The following RARB variants were observed in gnomAD, a reference collection of about 807,000 sequenced individuals.
RARB encodes HBV-activated protein.
Under a neutral mutation model 51.9 loss-of-function variants are expected in RARB, and 17 were observed. The ratio of observed to expected loss-of-function variants is 0.33; its 90% CI spans 0.22 to 0.49. The LOEUF (loss-of-function observed/expected upper bound fraction) is 0.49, where lower values mean the gene tolerates loss of function less well. Ranked by LOEUF, RARB falls within the 20% of genes least tolerant of loss-of-function variation. The probability of loss-of-function intolerance (pLI) is 0.99; values close to 1 mark genes in which losing one functional copy is unlikely to be tolerated. For synonymous variants in RARB, 215 were observed against 195.4 expected, an observed-to-expected ratio of 1.10 and a Z score of -0.84; for missense variants, 369 against 550.8, an observed-to-expected ratio of 0.67 and a Z score of 3.30.
intron 3 of RARB, among the ~76,000 whole-genome samples, chr3:25,107,066 A>G (rs1297412941): frequency 6.6e-6 from 1 of 152,022 alleles, no homozygotes; most frequent in Non-Finnish European, 1.5e-5. Flanking sequence ...ATACCCAGCT[A>G]ATTTTTGTAT....
chr3:25,030,684 C>A (rs944165486), intron 2 of RARB, among the ~76,000 whole-genome samples: 1 of 152,120 alleles, frequency 6.6e-6, no homozygotes, highest in African/African-American at 2.4e-5. Context: ...TTGAGGAAAT[C>A]TTGCATCTTC....
At chr3:25,067,254 A>T (rs189116150) in intron 3 of RARB, among the ~76,000 whole-genome samples, 2 of 152,188 alleles carry the variant, frequency 1.3e-5, no homozygotes, top group Non-Finnish European at 2.9e-5. Context: ...AGTATGAAAA[A>T]CGAAAGTGAG....
At chr3:25,060,394 T>C (rs914325351) in intron 3 of RARB, among the ~76,000 whole-genome samples, 2 of 151,844 alleles carry the variant, frequency 1.3e-5, no homozygotes, top group African/African-American at 4.8e-5. Context: ...AGATAGAATG[T>C]CTTATTTTCT....
intron 3 of RARB, among the ~76,000 whole-genome samples, chr3:25,547,897 G>A (rs1403005343): frequency 2.0e-5 from 3 of 152,092 alleles, no homozygotes; most frequent in Non-Finnish European, 4.4e-5. Context: ...AGTCATTGTA[G>A]TCTTTTTTCT....
chr3:25,108,828 T>C (rs1295279327), intron 3 of RARB, among the ~76,000 whole-genome samples: 3 of 152,206 alleles, frequency 2.0e-5, no homozygotes, highest in African/African-American at 7.2e-5. Context: ...TCAACTTTCC[T>C]AAAACTATCA....
At chr3:24,957,299 C>A (rs1012359867) in intron 2 of RARB, among the ~76,000 whole-genome samples, 2 of 152,194 alleles carry the variant, frequency 1.3e-5, no homozygotes, top group African/African-American at 4.8e-5. Context: ...GAATGACCCC[C>A]AAAGTATTTT....
In RARB at chr3:25,485,576, T is replaced by C. The variant is rs1696424551; in HGVS notation, c.307-15606T>C. On this transcript the variant is annotated intron_variant, in intron 2 of 7. Transcript: ENST00000330688. ...ACCTTCAGACTTGGAAAAATGTGTT[T>C]CTGTGAACTCCGGTTCTTTGTATTA... is the stretch of plus-strand genomic sequence containing the variant. 1.3e-5 allele frequency among the ~76,000 whole-genome samples: 2 copies of C among 152,198 alleles called. 1 individual carries two copies. Among genetic ancestry groups the C allele is most frequent in the Middle Eastern group, 6.8e-3 (2 of 294 alleles).
At chr3:25,348,925 A>G (rs754623997) in intron 5 of RARB, among the ~76,000 whole-genome samples, 5 of 152,218 alleles carry the variant, frequency 3.3e-5, no homozygotes, top group African/African-American at 4.8e-5. Flanking sequence ...TAGGGACCAC[A>G]CTTTCAGAAA....
chr3:24,865,278 C>T (rs1055674927), intron 2 of RARB, among the ~76,000 whole-genome samples: 1 of 152,066 alleles, frequency 6.6e-6, no homozygotes, highest in Non-Finnish European at 1.5e-5. Flanking sequence ...TCACAGTTGG[C>T]CCTGTACACC....
chr3:24,835,780 T>C (rs1403400285), intron 1 of RARB, among the ~76,000 whole-genome samples: 1 of 152,196 alleles, frequency 6.6e-6, no homozygotes, highest in East Asian at 1.9e-4. Flanking sequence ...CCACAGTATC[T>C]ACATTAATAT....
chr3:25,515,893 T>C (rs1340939010), intron 3 of RARB, among the ~76,000 whole-genome samples: 1 of 152,110 alleles, frequency 6.6e-6, no homozygotes, highest in Non-Finnish European at 1.5e-5. Context: ...AAATATGGAG[T>C]AGTGGAACGG....
At chr3:25,082,776 A>G (rs970882689) in intron 3 of RARB, among the ~76,000 whole-genome samples, 4 of 152,110 alleles carry the variant, frequency 2.6e-5, no homozygotes, top group African/African-American at 9.6e-5. Context: ...TTCAAGCTGA[A>G]GAACTTTCTC....
intron 2 of RARB, among the ~76,000 whole-genome samples, chr3:24,877,344 TAC>T (rs1491174376): frequency 2.3e-3 from 270 of 117,116 alleles, no homozygotes; most frequent in Non-Finnish European, 3.6e-3. Context: ...AAAGCAATCT[TAC>T]TTTTTTTTTT....
At chr3:25,143,383 C>T (rs1295990812) in intron 4 of RARB, among the ~76,000 whole-genome samples, 1 of 152,076 alleles carries the variant, frequency 6.6e-6, no homozygotes, top group Non-Finnish European at 1.5e-5. Context: ...CCCAAAAAAC[C>T]CCTCTAGTAC....
intron 3 of RARB, among the ~76,000 whole-genome samples, chr3:25,122,466 A>G (rs1395740546): frequency 6.6e-6 from 1 of 152,044 alleles, no homozygotes; most frequent in Non-Finnish European, 1.5e-5. Context: ...CAGTGCCATG[A>G]ACTGAAGTTT....
chr3:24,997,931 T>G (rs954900146), intron 2 of RARB, among the ~76,000 whole-genome samples: 27 of 152,288 alleles, frequency 1.8e-4, no homozygotes, highest in Middle Eastern at 3.4e-3. Context: ...AAATTCTAAA[T>G]TATTTAAATC....
chr3:25,149,680 C>A (rs140039844), intron 4 of RARB, among the ~76,000 whole-genome samples: 6 of 152,300 alleles, frequency 3.9e-5, no homozygotes, highest in African/African-American at 1.4e-4. Context: ...TACAGTTTAC[C>A]TGTGCATGAA....
chr3:24,867,131 G>C (rs576600095), intron 2 of RARB, among the ~76,000 whole-genome samples: 1 of 152,192 alleles, frequency 6.6e-6, no homozygotes, highest in Non-Finnish European at 1.5e-5. Flanking sequence ...TTGACCTCTG[G>C]AATTATGGCT....
At chr3:25,195,998 G>T (rs1220777548) in intron 5 of RARB, among the ~76,000 whole-genome samples, 1 of 151,936 alleles carries the variant, frequency 6.6e-6, no homozygotes, top group African/African-American at 2.4e-5. Flanking sequence ...TCTGCTTCGA[G>T]TCATTTAAAA....
Sources: allele counts gnomAD v4.1 joint callset (sites outside exome capture counted in the v4.1 genomes callset), GRCh38; gene constraint gnomAD v4.1.1; transcripts MANE v1.5; gene names NCBI Gene and HGNC (gene_info 2026-07-23, HGNC 2026-07-21).